FRMD4A: variants seen among roughly 807,000 people sequenced by gnomAD.
FRMD4A encodes FERM domain-containing protein 4A.
FRMD4A carries 29 observed loss-of-function variants against 129.1 expected under a neutral mutation model. The ratio of observed to expected loss-of-function variants is 0.22; its 90% CI spans 0.17 to 0.31. The LOEUF is 0.31. FRMD4A is among the 10% of genes least tolerant of loss of function. FRMD4A has a pLI of 1.00. For synonymous variants in FRMD4A, 634 were observed against 571.6 expected, an observed-to-expected ratio of 1.11 and a Z score of -1.56; for missense variants, 1,272 against 1,375.8, an observed-to-expected ratio of 0.92 and a Z score of 1.19.
intron 2 of FRMD4A, among the ~76,000 whole-genome samples, chr10:13,906,606 C>A (rs1184069470): frequency 6.6e-6 from 1 of 152,196 alleles, no homozygotes; most frequent in African/African-American, 2.4e-5. Flanking sequence ...GTATACAATA[C>A]CGTCTTCTCC....
At chr10:13,685,564 C>A (rs763463031) in intron 15 of FRMD4A, 6 of 985,120 alleles carry the variant, frequency 6.1e-6, no homozygotes, top group Non-Finnish European at 7.2e-6. Context: ...GAATTTCAGT[C>A]ATCCTCATTC....
At chr10:13,730,448 C>T (rs572784880) in intron 12 of FRMD4A, among the ~76,000 whole-genome samples, 1 of 152,290 alleles carries the variant, frequency 6.6e-6, no homozygotes, top group South Asian at 2.1e-4. Flanking sequence ...TATCGACAGT[C>T]ATTTCACACA....
intron 12 of FRMD4A, among the ~76,000 whole-genome samples, chr10:13,735,967 C>A (rs1245204852): frequency 6.6e-6 from 1 of 151,926 alleles, no homozygotes; most frequent in Admixed American, 6.6e-5. Flanking sequence ...AGGCCTGGCC[C>A]ACATGGTGAA....
chr10:13,738,702 C>G (rs1448490790), intron 11 of FRMD4A, among the ~76,000 whole-genome samples: 1 of 152,148 alleles, frequency 6.6e-6, no homozygotes, highest in Non-Finnish European at 1.5e-5. Context: ...CTCACTGCAA[C>G]CTCCGCCTCC....
Position 13,796,564 on chromosome 10 carries a change from T to G in FRMD4A, c.231A>C (p.Leu77=). ...AGTCATGTTCCAATACTCTTCGATC[T>G]AGCTGAAGCCAGTTTAAGTGTCCCC... ...DETGHLNWLQ[L]DRRVLEHDFP... The change falls in exon 5 of 25, where the codon CTA becomes CTC. Residue 77 remains leucine, a synonymous_variant. Coordinates refer to ENST00000357447, the MANE Select transcript of FRMD4A (RefSeq NM_018027.5). 1 of 1,599,766 alleles carries G rather than the reference T, an allele frequency of 6.3e-7. No individual in the cohort carries two copies. Among genetic ancestry groups the G allele is most frequent in the Non-Finnish European group, 8.6e-7 (1 of 1,166,928 alleles).
intron 2 of FRMD4A, among the ~76,000 whole-genome samples, chr10:13,896,605 T>A (rs1160365015): frequency 3.3e-5 from 5 of 151,860 alleles, no homozygotes; most frequent in Admixed American, 1.3e-4. Context: ...GTTAATAGGT[T>A]CAGCAAATCA....
intron 15 of FRMD4A, among the ~76,000 whole-genome samples, chr10:13,690,438 A>G (rs1270727325): frequency 6.6e-6 from 1 of 152,220 alleles, no homozygotes; most frequent in Non-Finnish European, 1.5e-5. Flanking sequence ...AACAAGATCT[A>G]GGGGTGCTAG....
At chr10:13,892,793 A>G (rs572886058) in intron 2 of FRMD4A, among the ~76,000 whole-genome samples, 84 of 152,264 alleles carry the variant, frequency 5.5e-4, no homozygotes, top group African/African-American at 1.1e-3. Flanking sequence ...TTTTCCGGAG[A>G]CCGGTAGGCT....
intron 2 of FRMD4A, among the ~76,000 whole-genome samples, chr10:13,885,255 A>T (rs1014675098): frequency 1.3e-5 from 2 of 152,212 alleles, no homozygotes; most frequent in African/African-American, 4.8e-5. Flanking sequence ...TTTGAGAGTT[A>T]GGCGTTTCAC....
At chr10:13,793,039 T>C (rs914994570) in intron 5 of FRMD4A, among the ~76,000 whole-genome samples, 4 of 152,230 alleles carry the variant, frequency 2.6e-5, no homozygotes, top group African/African-American at 9.6e-5. Context: ...ATGTATTATA[T>C]CAGAAGAATA....
chr10:14,230,846 A>G (rs1257904734), intron 2 of FRMD4A, among the ~76,000 whole-genome samples: 2 of 152,136 alleles, frequency 1.3e-5, no homozygotes, highest in Non-Finnish European at 2.9e-5. Flanking sequence ...ATGCTTGTTC[A>G]ATGTTTGACT....
intron 2 of FRMD4A, among the ~76,000 whole-genome samples, chr10:13,944,629 A>G (rs530986393): frequency 7.9e-4 from 121 of 152,260 alleles, no homozygotes; most frequent in African/African-American, 2.8e-3. Context: ...CTTCAACAGA[A>G]CATGACAGGT....
chr10:13,644,986 T>C lies in FRMD4A; in HGVS notation c.*2052A>G, dbSNP rs986153535. 6.6e-6 allele frequency: 1 copy of C among 152,244 alleles called. No individual in the cohort carries two copies. Among genetic ancestry groups the C allele is most frequent in the Non-Finnish European group, 1.5e-5 (1 of 68,064 alleles). 9.4% of individuals were successfully genotyped at this position (152,244 alleles called of 1,614,324 possible). A position where few individuals can be genotyped will look rare whatever the true frequency, so the allele number is the denominator to read the frequency against. On this transcript the variant is annotated 3_prime_UTR_variant, in exon 25 of 25. Transcript: ENST00000357447. Reference sequence around the variant, plus strand: ...CTGGAATCACCAGTCCAGCCATGCATGGAGCTGGGGAAAGCAGGCCCTGAA... The same window carrying C: ...CTGGAATCACCAGTCCAGCCATGCACGGAGCTGGGGAAAGCAGGCCCTGAA...
intron 2 of FRMD4A, among the ~76,000 whole-genome samples, chr10:14,000,433 G>A (rs531339782): frequency 6.6e-6 from 1 of 151,930 alleles, no homozygotes. Context: ...GATCACTTGA[G>A]GTCAGGAGTT....
chr10:14,055,221 T>C (rs988726759), intron 2 of FRMD4A, among the ~76,000 whole-genome samples: 4 of 152,206 alleles, frequency 2.6e-5, no homozygotes, highest in African/African-American at 7.2e-5. Flanking sequence ...AATAGATCAA[T>C]GTTCCATCTT....
At chr10:13,788,652 G>A (rs1320560908) in intron 5 of FRMD4A, among the ~76,000 whole-genome samples, 1 of 152,212 alleles carries the variant, frequency 6.6e-6, no homozygotes, top group African/African-American at 2.4e-5. Context: ...ATGGAGCGCA[G>A]ACCTTGCTAA....
intron 7 of FRMD4A, among the ~76,000 whole-genome samples, chr10:13,762,198 C>G (rs538472442): frequency 6.6e-6 from 1 of 152,148 alleles, no homozygotes; most frequent in African/African-American, 2.4e-5. Flanking sequence ...AGCTAATATT[C>G]TATAACATCT....
intron 3 of FRMD4A, among the ~76,000 whole-genome samples, chr10:13,811,815 C>A (rs1234974656): frequency 6.6e-6 from 1 of 151,838 alleles, no homozygotes; most frequent in Non-Finnish European, 1.5e-5. Context: ...AAATACATTG[C>A]CTCTATGAAA....
intron 2 of FRMD4A, among the ~76,000 whole-genome samples, chr10:14,169,687 G>A (rs563557160): frequency 7.2e-5 from 11 of 152,270 alleles, no homozygotes; most frequent in African/African-American, 2.4e-4. Context: ...ATTAGAAACT[G>A]TCTCACACTT....
Sources: gnomAD v4.1 joint callset for allele counts (sites outside exome capture counted in the v4.1 genomes callset) on GRCh38, gnomAD v4.1.1 for gene constraint, MANE v1.5 for transcripts, NCBI Gene and HGNC (gene_info 2026-07-23, HGNC 2026-07-21) for gene names.